Variants in SGSM3 observed in about 807,000 individuals in gnomAD.
SGSM3 encodes the protein RUN and SH3 containing 3.
SGSM3 carries 96 observed loss-of-function variants against 100.5 expected under a neutral mutation model. That is an observed-to-expected ratio of 0.96 (90% CI 0.81 to 1.13). The LOEUF (loss-of-function observed/expected upper bound fraction) is 1.13, where lower values mean the gene tolerates loss of function less well. Ranked by LOEUF, SGSM3 falls within the 50% of genes most tolerant of loss-of-function variation. The pLI is 0.00. For missense variants in SGSM3, 1,001 were observed against 1,015.8 expected (o/e 0.99, Z 0.20); for synonymous variants, 483 against 422.8 (o/e 1.14, Z -1.75).
Position 40,404,430 on chromosome 22 carries a change from G to A in SGSM3, c.341G>A (p.Gly114Asp). Residue 114 changes from glycine to aspartate, a missense_variant, in exon 5 of 22, where the codon GGC (glycine) becomes GAC (aspartate). By Grantham distance (94) the Gly-to-Asp change is moderately conservative. Transcript: ENST00000248929. Reference protein sequence around the residue: ...SEKLRSLVLAGIPHGMRPQLW... With the variant: ...SEKLRSLVLADIPHGMRPQLW... The stretch of plus-strand genomic sequence containing the variant: ...AAGCTCCGCTCCCTGGTGCTGGCCG[G>A]CATCCCACATGGCATGAGGCCACAG... The A allele has an allele frequency of 6.2e-7, 1 of 1,604,642 alleles. No homozygotes were observed.
intron 1 of SGSM3, chr22:40,372,807 C>T (rs924299681): frequency 6.6e-6 from 1 of 152,156 alleles, no homozygotes; most frequent in East Asian, 1.9e-4. Context: ...TCTTAGTTCT[C>T]AATGAAGGTT....
intron 1 of SGSM3, among the ~76,000 whole-genome samples, chr22:40,377,443 C>T (rs1197122604): frequency 6.6e-6 from 1 of 152,192 alleles, no homozygotes. Flanking sequence ...CCTTCCAATA[C>T]ATTCCTGTCT....
intron 1 of SGSM3, among the ~76,000 whole-genome samples, chr22:40,390,959 C>T (rs759029429): frequency 3.3e-5 from 5 of 152,088 alleles, no homozygotes; most frequent in East Asian, 1.9e-4. Context: ...GGCTAGGTAC[C>T]GGACATAGGA....
chr22:40,401,474 G>C, intron 2 of SGSM3, 119 bp from the exon 3 acceptor site: 2 of 688,566 alleles, frequency 2.9e-6, no homozygotes, highest in Non-Finnish European at 5.2e-6. Flanking sequence ...TCAAACTCCT[G>C]ACCTCAGGTG....
chr22:40,382,954 A>T (rs1427742335), intron 1 of SGSM3, among the ~76,000 whole-genome samples: 1 of 152,250 alleles, frequency 6.6e-6, no homozygotes, highest in Admixed American at 6.5e-5. Flanking sequence ...AACACTGTAT[A>T]AAGGTGAAGG....
chr22:40,388,471 G>A (rs1251964638), intron 1 of SGSM3, among the ~76,000 whole-genome samples: 1 of 152,214 alleles, frequency 6.6e-6, no homozygotes, highest in Non-Finnish European at 1.5e-5. Flanking sequence ...CGAGGCAGGT[G>A]TTCAGAGATG....
chr22:40,408,042 GCTC>G (rs758928601), intron 14 of SGSM3, 26 bp from the exon 15 acceptor site: 7 of 1,610,588 alleles, frequency 4.3e-6, no homozygotes. Flanking sequence ...CCTCGTGGTT[GCTC>G]CTTACAGGGC....
intron 7 of SGSM3, 141 bp downstream of exon 7, chr22:40,405,425 C>T (rs1337197772): frequency 1.2e-5 from 11 of 930,848 alleles, no homozygotes; most frequent in South Asian, 3.9e-5. Flanking sequence ...CACTCCGGGG[C>T]GTCCCCAAGG....
chr22:40,403,102 G>T (rs995899817), intron 4 of SGSM3, among the ~76,000 whole-genome samples: 1 of 152,274 alleles, frequency 6.6e-6, no homozygotes, highest in South Asian at 2.1e-4. Context: ...GGCTGGGTCA[G>T]TGGAGTCAGA....
intron 6 of SGSM3, 110 bp from the exon 7 acceptor site, chr22:40,405,031 C>T: frequency 7.2e-7 from 1 of 1,388,676 alleles, no homozygotes. Flanking sequence ...TGACCTTGAT[C>T]AGGAACACAA....
At chr22:40,374,555 A>G (rs1402794161) in intron 1 of SGSM3, among the ~76,000 whole-genome samples, 1 of 152,198 alleles carries the variant, frequency 6.6e-6, no homozygotes, top group Non-Finnish European at 1.5e-5. Flanking sequence ...CCTCACCCCC[A>G]TCTCCTAGAA....
chr22:40,409,232 TC>T lies in SGSM3; in HGVS notation c.1989-16del. On this transcript the variant is annotated splice_polypyrimidine_tract_variant and intron_variant, in intron 19 of 21. Transcript: ENST00000248929. ...GCCTGGAGCTGCCCCTGCTCCCCAC[TC>T]CTGGCCATGTCCCCAGTGAGCAGGT... The T allele has an allele frequency of 1.3e-6, 2 of 1,591,590 alleles. No homozygotes were observed. Among genetic ancestry groups the T allele is most frequent in the Non-Finnish European group, 1.7e-6 (2 of 1,171,906 alleles).
chr22:40,372,908 G>A (rs886461670), intron 1 of SGSM3: 2 of 152,186 alleles, frequency 1.3e-5, no homozygotes, highest in Non-Finnish European at 1.5e-5. Flanking sequence ...AGCTGGTGAC[G>A]TCAGTAATTT....
intron 6 of SGSM3, 54 bp downstream of exon 6, chr22:40,404,718 A>T: frequency 7.7e-7 from 1 of 1,296,628 alleles, no homozygotes; most frequent in Non-Finnish European, 1.1e-6. Flanking sequence ...GGCTCGCAGG[A>T]GAGAGGGAGC....
chr22:40,409,772 C>A lies in SGSM3; in HGVS notation c.*13C>A, dbSNP rs1381191322. 1 of 1,603,506 alleles carries A rather than the reference C, an allele frequency of 6.2e-7. No homozygotes were observed. Among genetic ancestry groups the A allele is most frequent in the East Asian group, 2.2e-5 (1 of 44,796 alleles). On this transcript the variant is annotated 3_prime_UTR_variant, in exon 22 of 22. Transcript: ENST00000248929. ...TGTGGACGGGTGACCCCCTCCTCCC[C>A]AGCCCAACCTCGGGCCTGCGTCTGA...
At chr22:40,406,883 A>T in intron 10 of SGSM3, 134 bp from the exon 11 acceptor site, 1 of 1,018,440 alleles carries the variant, frequency 9.8e-7, no homozygotes, top group Non-Finnish European at 1.5e-6. Context: ...AGGCAGACCC[A>T]GCTCTGATTA....
intron 1 of SGSM3, among the ~76,000 whole-genome samples, chr22:40,391,199 A>G (rs954426737): frequency 6.6e-6 from 1 of 152,142 alleles, no homozygotes; most frequent in Non-Finnish European, 1.5e-5. Flanking sequence ...CACCTGGGAG[A>G]GGCAGAGTCT....
chr22:40,396,015 A>G (rs1341936628), intron 1 of SGSM3, among the ~76,000 whole-genome samples: 2 of 152,234 alleles, frequency 1.3e-5, no homozygotes, highest in Non-Finnish European at 2.9e-5. Context: ...GAGAAAAACC[A>G]GGAAGAAAAC....
chr22:40,407,566 A>T lies in SGSM3; in HGVS notation c.1522A>T (p.Thr508Ser). ...GGGCTTCCGCAAGAACGACATCATCACAGTGCGTGGGGGCGCTGGACTACC... is the reference window on the plus strand; with the variant it reads ...GGGCTTCCGCAAGAACGACATCATCTCAGTGCGTGGGGGCGCTGGACTACC... Reference protein sequence around the residue: ...ELGFRKNDIITIVSQKDEHCW... With the variant: ...ELGFRKNDIISIVSQKDEHCW... The change falls in exon 13 of 22, where the codon ACA becomes TCA. Residue 508 changes from threonine to serine, a missense_variant and splice_region_variant. Transcript: ENST00000248929. This position sits in a 1 kb window ranked among gnomAD's most constrained non-coding sequence, Gnocchi z 4.7. 6.2e-7 allele frequency: 1 copy of T among 1,602,850 alleles called. No individual in the cohort carries two copies. The highest frequency in any genetic ancestry group is 8.5e-7 in the Non-Finnish European group (1 of 1,179,578).
Sources: allele counts gnomAD v4.1 joint callset (sites outside exome capture counted in the v4.1 genomes callset), GRCh38; gene constraint gnomAD v4.1.1; non-coding constraint Gnocchi (gnomAD v3.1); transcripts MANE v1.5; gene names NCBI Gene and HGNC (gene_info 2026-07-23, HGNC 2026-07-21).